The following DPP10 variants were observed in gnomAD, a reference collection of about 807,000 sequenced individuals.
DPP10 encodes the protein dipeptidyl peptidase like 10.
In DPP10, 33 loss-of-function variants were observed where a neutral mutation model predicts 120.9. The observed-to-expected ratio is 0.27, with a 90% confidence interval of 0.21 to 0.37. DPP10 has a LOEUF of 0.37. DPP10 is among the 10% of genes least tolerant of loss of function. The pLI, the probability that DPP10 is intolerant of heterozygous loss-of-function variation, is 1.00. For missense variants in DPP10, 816 were observed against 942.8 expected (o/e 0.87, Z 1.76); for synonymous variants, 337 against 326.1 (o/e 1.03, Z -0.36).
At chr2:115,723,934 T>G (rs892840057) in intron 7 of DPP10, among the ~76,000 whole-genome samples, 1 of 152,230 alleles carries the variant, frequency 6.6e-6, no homozygotes, top group Admixed American at 6.5e-5. Flanking sequence ...TTTGAATCAT[T>G]CACCATTTTC....
chr2:115,714,075 A>T (rs2421280), intron 7 of DPP10, among the ~76,000 whole-genome samples: 19,130 of 152,144 alleles, frequency 0.13, 1,392 homozygotes, highest in Non-Finnish European at 0.16. Context: ...ATTTCAGGTT[A>T]GTCTATTCTA....
At chr2:114,751,142 A>C (rs1465004777) in intron 1 of DPP10, among the ~76,000 whole-genome samples, 1 of 152,242 alleles carries the variant, frequency 6.6e-6, no homozygotes, top group Non-Finnish European at 1.5e-5. Context: ...AAAGAGGTTT[A>C]AATAACGAAT....
At chr2:115,684,100 AT>A (rs2090834898) in intron 5 of DPP10, among the ~76,000 whole-genome samples, 1 of 151,964 alleles carries the variant, frequency 6.6e-6, no homozygotes, top group Non-Finnish European at 1.5e-5. Flanking sequence ...AGTAAGAAAT[AT>A]TTTGAAGTAG....
intron 4 of DPP10, among the ~76,000 whole-genome samples, chr2:115,507,910 G>A (rs759104320): frequency 1.3e-5 from 2 of 152,152 alleles, no homozygotes; most frequent in Admixed American, 1.3e-4. Flanking sequence ...TAAAAAGTAG[G>A]TGGGTGGAGG....
In DPP10 at chr2:115,081,371, C is replaced by A. The variant is rs192445502; in HGVS notation, c.61-227868C>A. On this transcript the variant is annotated intron_variant, in intron 1 of 25. Coordinates refer to ENST00000410059, the MANE Select transcript of DPP10 (RefSeq NM_020868.6). ...TGTTTGCAAGCTATCTTCTCAGATACAAAGTCTGTCTTTAGCTGTCTTCAG... is the reference window on the plus strand; with the variant it reads ...TGTTTGCAAGCTATCTTCTCAGATAAAAAGTCTGTCTTTAGCTGTCTTCAG... 9.9e-3 allele frequency among the ~76,000 whole-genome samples: 1,506 copies of A among 152,260 alleles called. 16 individuals are homozygous for A. Among genetic ancestry groups the A allele is most frequent in the Non-Finnish European group, 0.016 (1,056 of 68,018 alleles).
intron 1 of DPP10, among the ~76,000 whole-genome samples, chr2:114,639,753 A>G (rs995610695): frequency 8.6e-5 from 13 of 152,006 alleles, no homozygotes; most frequent in African/African-American, 3.2e-4. Context: ...GGATCTTCAA[A>G]AGATACTAGA....
chr2:115,213,880 A>G (rs2056661540), intron 1 of DPP10, among the ~76,000 whole-genome samples: 2 of 152,174 alleles, frequency 1.3e-5, no homozygotes, highest in African/African-American at 4.8e-5. Flanking sequence ...AGGCACATTT[A>G]AGAGATTTAT....
intron 5 of DPP10, among the ~76,000 whole-genome samples, chr2:115,617,952 T>C (rs1242401387): frequency 6.6e-6 from 1 of 152,204 alleles, no homozygotes. Flanking sequence ...CTCTCTAATT[T>C]TATTGTACTT....
chr2:115,392,186 CT>C (rs11404549), intron 3 of DPP10, among the ~76,000 whole-genome samples: 18 of 150,960 alleles, frequency 1.2e-4, no homozygotes, highest in Non-Finnish European at 2.4e-4. Flanking sequence ...TATTTTTATG[CT>C]TTTTTTTTGA....
intron 5 of DPP10, among the ~76,000 whole-genome samples, chr2:115,573,073 A>C (rs2149096687): frequency 6.6e-6 from 1 of 152,320 alleles, no homozygotes; most frequent in African/African-American, 2.4e-5. Flanking sequence ...TGGATTCAAA[A>C]GAAGCAAAAA....
At chr2:115,024,629 A>G (rs570504802) in intron 1 of DPP10, among the ~76,000 whole-genome samples, 1 of 150,590 alleles carries the variant, frequency 6.6e-6, no homozygotes, top group South Asian at 2.1e-4. Context: ...TTAAATGTAT[A>G]TATGTACATA....
At chr2:114,522,802 G>A (rs571891400) in intron 1 of DPP10, among the ~76,000 whole-genome samples, 101 of 152,328 alleles carry the variant, frequency 6.6e-4, no homozygotes, top group African/African-American at 2.2e-3. Context: ...GGAGGAGCAA[G>A]TCACGTCTTA....
intron 1 of DPP10, among the ~76,000 whole-genome samples, chr2:114,544,671 A>G (rs1388265407): frequency 6.6e-6 from 1 of 151,838 alleles, no homozygotes; most frequent in African/African-American, 2.4e-5. Flanking sequence ...ATAATAATAT[A>G]TTAAAATTTA....
intron 1 of DPP10, among the ~76,000 whole-genome samples, chr2:114,694,692 G>T (rs571627691): frequency 1.3e-5 from 2 of 151,924 alleles, no homozygotes; most frequent in Non-Finnish European, 2.9e-5. Context: ...CAACAGAACC[G>T]TATAAGTACA....
At chr2:114,936,550 C>T (rs758981964) in intron 1 of DPP10, among the ~76,000 whole-genome samples, 6 of 152,140 alleles carry the variant, frequency 3.9e-5, no homozygotes, top group Non-Finnish European at 5.9e-5. Flanking sequence ...TTGCTATAAA[C>T]ATGCATGTGC....
At chr2:114,540,659 A>G (rs1477816890) in intron 1 of DPP10, among the ~76,000 whole-genome samples, 1 of 152,234 alleles carries the variant, frequency 6.6e-6, no homozygotes, top group Non-Finnish European at 1.5e-5. Context: ...CACATATTAT[A>G]CATTAAAATT....
At chr2:115,236,899 G>A (rs943434520) in intron 1 of DPP10, among the ~76,000 whole-genome samples, 12 of 152,110 alleles carry the variant, frequency 7.9e-5, no homozygotes, top group Admixed American at 2.0e-4. Context: ...AAGAATTTTC[G>A]GGAATGGGGC....
At chr2:114,593,232 G>A (rs1056574303) in intron 1 of DPP10, among the ~76,000 whole-genome samples, 1 of 152,174 alleles carries the variant, frequency 6.6e-6, no homozygotes, top group South Asian at 2.1e-4. Flanking sequence ...GCTGCAGCAT[G>A]AGAAGAAAAT....
At position 115,317,591 on chromosome 2, in the gene DPP10, T is replaced by C. The variant is rs920659778; in HGVS notation, c.175+8238T>C. On this transcript the variant is annotated intron_variant, in intron 2 of 25. Coordinates refer to ENST00000410059, the MANE Select transcript of DPP10 (RefSeq NM_020868.6). Reference sequence around the variant, plus strand: ...TACATTCCCAACAGAAATATTCATGTGTTCCAGTTTCTCCAAATTCTTAGA... The same window carrying C: ...TACATTCCCAACAGAAATATTCATGCGTTCCAGTTTCTCCAAATTCTTAGA... Among the ~76,000 whole-genome samples, 2 of 152,226 alleles carry C rather than the reference T, an allele frequency of 1.3e-5. 1 individual carries two copies.
Sources: allele counts gnomAD v4.1 joint callset (sites outside exome capture counted in the v4.1 genomes callset), GRCh38; gene constraint gnomAD v4.1.1; transcripts MANE v1.5; gene names NCBI Gene and HGNC (gene_info 2026-07-23, HGNC 2026-07-21).